Variants in TTC13 observed in about 807,000 individuals in gnomAD.
The protein encoded by TTC13 is tetratricopeptide repeat protein 13.
Under a neutral mutation model 120.0 loss-of-function variants are expected in TTC13, and 62 were observed. The ratio of observed to expected loss-of-function variants is 0.52; its 90% CI spans 0.42 to 0.64. The LOEUF (loss-of-function observed/expected upper bound fraction) is 0.64. Among genes scored for constraint, TTC13 ranks in the 30% least tolerant of loss-of-function variants. The probability of loss-of-function intolerance (pLI) is 0.00; values close to 1 mark genes in which losing one functional copy is unlikely to be tolerated. For synonymous variants in TTC13, 384 were observed against 393.5 expected (o/e 0.98, Z 0.28); for missense variants, 824 against 1,050.2 (o/e 0.78, Z 2.98).
chr1:230,958,823 C>T (rs1676353140), intron 2 of TTC13, among the ~76,000 whole-genome samples: 1 of 152,216 alleles, frequency 6.6e-6, no homozygotes, highest in South Asian at 2.1e-4. Context: ...GAGACTTCAT[C>T]TCTACTAAAG....
At chr1:230,939,517 G>T in intron 7 of TTC13, 21 bp from the exon 8 acceptor site, 1 of 1,507,188 alleles carries the variant, frequency 6.6e-7, no homozygotes, top group Non-Finnish European at 9.1e-7. Context: ...GAGAGTGGGG[G>T]GAAAAATAAA....
chr1:230,974,287 C>G (rs530108240), intron 1 of TTC13, among the ~76,000 whole-genome samples: 1 of 152,282 alleles, frequency 6.6e-6, no homozygotes, highest in South Asian at 2.1e-4. Context: ...CACCTACACA[C>G]TGCTCTTTAT....
chr1:230,951,610 T>C (rs1359815708), intron 4 of TTC13, among the ~76,000 whole-genome samples: 4 of 152,226 alleles, frequency 2.6e-5, no homozygotes, highest in African/African-American at 9.6e-5. Flanking sequence ...TGAAAAGTAG[T>C]AGAGCAACAT....
At chr1:230,913,843 G>A (rs1017906490) in intron 18 of TTC13, among the ~76,000 whole-genome samples, 6 of 152,174 alleles carry the variant, frequency 3.9e-5, no homozygotes, top group Admixed American at 1.3e-4. Context: ...CATTCCAGTC[G>A]GACTAGCAGG....
At position 230,961,383 on chromosome 1, in the gene TTC13, G is replaced by C. The variant is rs1676623060; in HGVS notation, c.272-80C>G. 3.7e-6 allele frequency: 4 copies of C among 1,066,720 alleles called. No homozygotes were observed. The South Asian group carries it at 5.7e-5, about 15-fold the overall frequency. The allele number at this position is 1,066,720 out of a possible 1,614,324, so 66.1% of individuals were successfully genotyped here. A position where few individuals can be genotyped will look rare whatever the true frequency, so the allele number is the denominator to read the frequency against. On this transcript the variant is annotated intron_variant, in intron 1 of 22. Coordinates refer to ENST00000366661, the MANE Select transcript of TTC13 (RefSeq NM_024525.5). ...GCTTAACTATGAATTAGAATTTTTAGACTCCACAGAACCAAAATAAGAACA... is the reference window on the plus strand; with the variant it reads ...GCTTAACTATGAATTAGAATTTTTACACTCCACAGAACCAAAATAAGAACA...
intron 4 of TTC13, among the ~76,000 whole-genome samples, chr1:230,948,558 GCCTAGCTCACTACAGCCTCAAACT>G (rs1675234511): frequency 6.6e-6 from 1 of 151,338 alleles, no homozygotes; most frequent in Non-Finnish European, 1.5e-5. Flanking sequence ...AGTGGTGCAA[GCCTAGCTCACTACAGCCTCAAACT>G]CCTGGGCTCA....
chr1:230,940,091 G>T lies in TTC13; in HGVS notation c.789+349C>A, dbSNP rs537099199. 6.6e-6 allele frequency among the ~76,000 whole-genome samples: 1 copy of T among 152,114 alleles called. No homozygotes were observed. The highest frequency in any genetic ancestry group is 1.5e-5 in the Non-Finnish European group (1 of 68,024). ...AACCCAAAGAAATTCAAATTGTACCGCTAAGTTTAATAATCACATTGACAA... is the reference window on the plus strand; with the variant it reads ...AACCCAAAGAAATTCAAATTGTACCTCTAAGTTTAATAATCACATTGACAA... On this transcript the variant is annotated intron_variant, in intron 7 of 22. Coordinates refer to ENST00000366661, the MANE Select transcript of TTC13 (RefSeq NM_024525.5). The surrounding 1 kb of genome is among the most constrained non-coding windows in gnomAD (Gnocchi z 4.1).
At chr1:230,933,380 T>C (rs1673744543) in intron 9 of TTC13, among the ~76,000 whole-genome samples, 1 of 152,124 alleles carries the variant, frequency 6.6e-6, no homozygotes, top group Non-Finnish European at 1.5e-5. Context: ...TCAGCAGATG[T>C]ACATTATAAT....
intron 1 of TTC13, among the ~76,000 whole-genome samples, chr1:230,976,869 T>C (rs750745267): frequency 9.2e-5 from 14 of 152,176 alleles, no homozygotes; most frequent in Non-Finnish European, 1.3e-4. Flanking sequence ...ATGATACCAA[T>C]AGATATCATA....
Position 230,931,300 on chromosome 1 carries a change from C to T in TTC13, c.1298G>A (p.Arg433Gln), listed in dbSNP as rs1673534645. ...SPEYLKVKYL[R>Q]EYSRYLHAHL... Reference sequence around the variant, plus strand: ...AATTCTGTGATTTTCTGACTTACCTCGGAGATACTTTACTTTAAGATACTC... The same window carrying T: ...AATTCTGTGATTTTCTGACTTACCTTGGAGATACTTTACTTTAAGATACTC... The change falls in exon 11 of 23, where the codon CGA becomes CAA. Residue 433 changes from arginine (R) to glutamine (Q), a missense_variant and splice_region_variant. Physicochemically the swap from Arg to Gln is conservative, Grantham distance 43. This residue lies in a region of TTC13 where 430 missense variants were observed against 626.8 expected (regional missense o/e 0.69). Transcript: ENST00000366661. 2.5e-6 allele frequency: 4 copies of T among 1,612,906 alleles called. No homozygotes were observed. Among genetic ancestry groups the T allele is most frequent in the Non-Finnish European group, 3.4e-6 (4 of 1,179,744 alleles).
chr1:230,957,463 C>G (rs188498897), intron 3 of TTC13, among the ~76,000 whole-genome samples: 11 of 152,236 alleles, frequency 7.2e-5, no homozygotes, highest in Admixed American at 4.6e-4. Flanking sequence ...ATATAAGGAG[C>G]ACTTAGTCTT....
chr1:230,974,989 A>G (rs1197969876), intron 1 of TTC13, among the ~76,000 whole-genome samples: 1 of 152,230 alleles, frequency 6.6e-6, no homozygotes, highest in African/African-American at 2.4e-5. Context: ...TACTGAAGAT[A>G]ACACACAAAT....
At chr1:230,912,879 A>G in intron 18 of TTC13, 121 bp from the exon 19 acceptor site, 1 of 854,948 alleles carries the variant, frequency 1.2e-6, no homozygotes, top group Non-Finnish European at 1.8e-6. Context: ...ACAAGAATGT[A>G]CCTTACCTTT....
chr1:230,936,374 G>A, intron 8 of TTC13: 1 of 388,344 alleles, frequency 2.6e-6, no homozygotes, highest in South Asian at 1.9e-5. Flanking sequence ...GAATTAATTT[G>A]CTTGGCAAAT....
intron 11 of TTC13, among the ~76,000 whole-genome samples, chr1:230,929,780 T>C (rs1289341192): frequency 6.6e-6 from 1 of 152,216 alleles, no homozygotes; most frequent in Non-Finnish European, 1.5e-5. Context: ...ACTAATGGAC[T>C]GCTGCTTATC....
chr1:230,977,383 G>T (rs1420815860), intron 1 of TTC13, among the ~76,000 whole-genome samples: 1 of 152,172 alleles, frequency 6.6e-6, no homozygotes, highest in African/African-American at 2.4e-5. Context: ...CACTTGCTCA[G>T]AGATACAGAA....
Position 230,945,540 on chromosome 1 carries a change from G to A in TTC13, c.514-86C>T, listed in dbSNP as rs1049151171. The A allele has an allele frequency of 6.9e-6, 8 of 1,167,572 alleles. 1 individual carries two copies. The highest frequency in any genetic ancestry group is 4.9e-5 in the South Asian group (4 of 82,056). 72.3% of individuals were successfully genotyped at this position (1,167,572 alleles called of 1,614,324 possible). A position where few individuals can be genotyped will look rare whatever the true frequency, so the allele number is the denominator to read the frequency against. ...TTTCTGCTTAAAGCACGTTAATGCC[G>A]CAAGTGACAGCTCTACTTCTTTATG... is the stretch of plus-strand genomic sequence containing the variant. On this transcript the variant is annotated intron_variant, in intron 4 of 22. Transcript: ENST00000366661.
intron 1 of TTC13, among the ~76,000 whole-genome samples, chr1:230,968,626 A>C (rs1677403619): frequency 6.6e-6 from 1 of 152,192 alleles, no homozygotes; most frequent in Non-Finnish European, 1.5e-5. Context: ...GAATGGAGGC[A>C]GCAGCCATCG....
chr1:230,940,481 G>T lies in TTC13; in HGVS notation c.748C>A (p.Arg250=), dbSNP rs577146647. 5 of 1,613,780 alleles carry T rather than the reference G, an allele frequency of 3.1e-6. No homozygotes were observed. The change falls in exon 7 of 23, where the codon CGG becomes AGG. Residue 250 remains arginine, a synonymous_variant. Coordinates refer to ENST00000366661, the MANE Select transcript of TTC13 (RefSeq NM_024525.5). This position sits in a 1 kb window ranked among gnomAD's most constrained non-coding sequence, Gnocchi z 4.1. ...TKAIQLQPSA[R]LYRHRGTLYF... is the part of the protein sequence containing the mutation. ...AGGGTTCCCCGATGTCTGTACAGCC[G>T]TGCTGAGGGCTGCAGTTGGATAGCT...
Sources: gnomAD v4.1 joint callset for allele counts (sites outside exome capture counted in the v4.1 genomes callset) on GRCh38, gnomAD v4.1.1 for gene constraint, gnomAD v4.1.1 regional missense constraint, Gnocchi (gnomAD v3.1) non-coding constraint, MANE v1.5 for transcripts, NCBI Gene and HGNC (gene_info 2026-07-23, HGNC 2026-07-21) for gene names.